The following CLVS1 variants were observed in gnomAD, a reference collection of about 807,000 sequenced individuals.
The protein encoded by CLVS1 is clavesin-1.
In CLVS1, 10 loss-of-function variants were observed where a neutral mutation model predicts 33.1. The observed-to-expected ratio is 0.30, with a 90% confidence interval of 0.19 to 0.51. CLVS1 has a LOEUF of 0.51. CLVS1 is among the 20% of genes least tolerant of loss of function. The probability of loss-of-function intolerance (pLI) is 0.97; values close to 1 mark genes in which losing one functional copy is unlikely to be tolerated. For synonymous variants in CLVS1, 163 were observed against 166.1 expected, an observed-to-expected ratio of 0.98 and a Z score of 0.14; for missense variants, 343 against 433.4, an observed-to-expected ratio of 0.79 and a Z score of 1.85.
intron 2 of CLVS1, among the ~76,000 whole-genome samples, chr8:61,357,678 T>C (rs1812794939): frequency 6.6e-6 from 1 of 151,556 alleles, no homozygotes; most frequent in African/African-American, 2.4e-5. Context: ...GCTAATTTTT[T>C]GTATTTTTAG....
At chr8:61,137,245 G>C (rs937171828) in intron 2 of CLVS1, among the ~76,000 whole-genome samples, 2 of 152,164 alleles carry the variant, frequency 1.3e-5, no homozygotes, top group Non-Finnish European at 2.9e-5. Flanking sequence ...TTTCCTCAGA[G>C]GTAGGAGGTG....
intron 2 of CLVS1, among the ~76,000 whole-genome samples, chr8:61,332,625 G>A (rs892245329): frequency 1.3e-5 from 2 of 152,046 alleles, no homozygotes; most frequent in African/African-American, 4.8e-5. Context: ...AAATGAAGAG[G>A]AGATAAACTC....
chr8:61,034,261 C>T, the CLVS1 span, among the ~76,000 whole-genome samples: 234 of 152,106 alleles, frequency 1.5e-3, 1 homozygote, highest in African/African-American at 5.4e-3. Context: ...TTTTAATTGA[C>T]AAATTATAAT....
At chr8:61,254,742 G>C (rs1181334917) in intron 2 of CLVS1, among the ~76,000 whole-genome samples, 1 of 152,188 alleles carries the variant, frequency 6.6e-6, no homozygotes, top group Admixed American at 6.5e-5. Flanking sequence ...TAATCTCCTG[G>C]TGTGCTGCTT....
rs182636798 is a variant in CLVS1 at position 61,262,171 on chromosome 8, T to C, written c.-151-37506T>C. ...GGACAGTACAGGCACATGGCCACCGTGCCTGGCTAATTAAAAAACAATTTT... is the reference window on the plus strand; with the variant it reads ...GGACAGTACAGGCACATGGCCACCGCGCCTGGCTAATTAAAAAACAATTTT... On this transcript the variant is annotated intron_variant, in intron 2 of 2. Coordinates refer to the CLVS1 transcript ENST00000522621. 5.5e-4 allele frequency among the ~76,000 whole-genome samples: 84 copies of C among 152,270 alleles called. 1 individual carries two copies. The highest frequency in any genetic ancestry group is 3.1e-3 in the Admixed American group (48 of 15,300).
At position 61,265,570 on chromosome 8, in the gene CLVS1, C is replaced by T. The variant is rs1809288214; in HGVS notation, c.-151-34107C>T. Among the ~76,000 whole-genome samples the T allele has an allele frequency of 2.6e-5, 4 of 152,212 alleles. 1 individual carries two copies. The South Asian group carries it at 8.3e-4, about 32-fold the overall frequency. ...CTATTGTTATGATTTTCCCACAACA[C>T]CTAGGTTTCACTAGCAAATGTTGTC... On this transcript the variant is annotated intron_variant, in intron 2 of 2. Coordinates refer to the CLVS1 transcript ENST00000522621.
At chr8:61,204,524 G>T (rs1807801013) in intron 2 of CLVS1, among the ~76,000 whole-genome samples, 1 of 152,156 alleles carries the variant, frequency 6.6e-6, no homozygotes, top group Non-Finnish European at 1.5e-5. Context: ...TATAGAACTT[G>T]ACTGTTTCTG....
chr8:61,263,810 C>T (rs1225344739), intron 2 of CLVS1, among the ~76,000 whole-genome samples: 1 of 152,096 alleles, frequency 6.6e-6, no homozygotes, highest in East Asian at 1.9e-4. Flanking sequence ...GTTATCATTG[C>T]CAGTACCATG....
chr8:61,102,766 G>C (rs1805473704), intron 1 of CLVS1, among the ~76,000 whole-genome samples: 2 of 151,850 alleles, frequency 1.3e-5, no homozygotes, highest in Non-Finnish European at 2.9e-5. Flanking sequence ...TATGAATATA[G>C]GAAAAAGGAA....
the CLVS1 span, among the ~76,000 whole-genome samples, chr8:61,051,846 TGCTGGGCCCTGCCCAGCCACCCAC>T: frequency 3.3e-5 from 5 of 152,228 alleles, no homozygotes; most frequent in Admixed American, 2.6e-4. Context: ...CCATCCCCAC[TGCTGGGCCCTGCCCAGCCACCCAC>T]GCTGGGCCCC....
chr8:61,204,833 T>C (rs1807806763), intron 2 of CLVS1, among the ~76,000 whole-genome samples: 1 of 152,186 alleles, frequency 6.6e-6, no homozygotes, highest in African/African-American at 2.4e-5. Context: ...ATAGGCAAAA[T>C]CCATACCCAT....
chr8:61,068,810 C>G (rs993993912), intron 1 of CLVS1, among the ~76,000 whole-genome samples: 3 of 152,250 alleles, frequency 2.0e-5, no homozygotes, highest in African/African-American at 4.8e-5. Flanking sequence ...TCCCCACACA[C>G]ACACCTCCCG....
At chr8:61,042,311 C>G in the CLVS1 span, among the ~76,000 whole-genome samples, 1 of 152,104 alleles carries the variant, frequency 6.6e-6, no homozygotes, top group African/African-American at 2.4e-5. Context: ...TATGTTAGCC[C>G]CTGAGAATCC....
chr8:61,470,082 T>C (rs943436990), intron 5 of CLVS1, among the ~76,000 whole-genome samples: 3 of 152,186 alleles, frequency 2.0e-5, no homozygotes, highest in Non-Finnish European at 2.9e-5. Flanking sequence ...TTCTTAAAGA[T>C]TGAAGAAAAA....
chr8:61,132,722 G>A (rs1025980161), intron 2 of CLVS1, among the ~76,000 whole-genome samples: 2 of 152,208 alleles, frequency 1.3e-5, no homozygotes, highest in African/African-American at 2.4e-5. Context: ...TAAAAAGCGG[G>A]ATGCAGGGCC....
intron 2 of CLVS1, among the ~76,000 whole-genome samples, chr8:61,308,729 G>A (rs551312036): frequency 6.6e-6 from 1 of 152,110 alleles, no homozygotes; most frequent in Non-Finnish European, 1.5e-5. Flanking sequence ...ACTACCAGTT[G>A]TTAGGTGCTT....
intron 1 of CLVS1, among the ~76,000 whole-genome samples, chr8:61,064,447 T>C (rs894176925): frequency 6.6e-6 from 1 of 152,212 alleles, no homozygotes; most frequent in Non-Finnish European, 1.5e-5. Context: ...TGCGTTTTCC[T>C]AATGACTAGT....
intron 3 of CLVS1, among the ~76,000 whole-genome samples, chr8:61,446,427 T>C (rs539447380): frequency 1.3e-5 from 2 of 152,302 alleles, no homozygotes; most frequent in African/African-American, 4.8e-5. Context: ...AGGCATGTAT[T>C]TCTTACCATT....
At chr8:61,177,599 C>T (rs1385627556) in intron 2 of CLVS1, among the ~76,000 whole-genome samples, 1 of 152,056 alleles carries the variant, frequency 6.6e-6, no homozygotes, top group Non-Finnish European at 1.5e-5. Flanking sequence ...AGTTGGCGCC[C>T]CTCAAGGTCA....
Sources: gnomAD v4.1 joint callset for allele counts (sites outside exome capture counted in the v4.1 genomes callset) on GRCh38, gnomAD v4.1.1 for gene constraint, MANE v1.5 for transcripts, NCBI Gene and HGNC (gene_info 2026-07-23, HGNC 2026-07-21) for gene names.